Variants in C1QTNF3 observed in about 807,000 individuals in gnomAD.
C1QTNF3 encodes C1q and TNF related 3.
C1QTNF3 carries 26 observed loss-of-function variants against 32.6 expected under a neutral mutation model. That is an observed-to-expected ratio of 0.80 (90% CI 0.58 to 1.11). The LOEUF (loss-of-function observed/expected upper bound fraction) is 1.11, where lower values mean the gene tolerates loss of function less well. C1QTNF3 is among the 50% of genes least tolerant of loss of function. C1QTNF3 has a pLI of 0.00. For missense variants in C1QTNF3, 362 were observed against 398.2 expected, an observed-to-expected ratio of 0.91 and a Z score of 0.77; for synonymous variants, 155 against 146.0, an observed-to-expected ratio of 1.06 and a Z score of -0.44.
intron 4 of C1QTNF3, among the ~76,000 whole-genome samples, chr5:34,026,456 CAAAAA>C (rs11335593): frequency 3.2e-5 from 3 of 92,776 alleles, no homozygotes; most frequent in Admixed American, 2.2e-4. Flanking sequence ...AATCTGCCAG[CAAAAA>C]AAAAAAAAAA....
the C1QTNF3 span, among the ~76,000 whole-genome samples, chr5:34,090,127 T>C: frequency 6.6e-6 from 1 of 151,698 alleles, no homozygotes; most frequent in Non-Finnish European, 1.5e-5. Flanking sequence ...CTTGTAAAAA[T>C]TGCTTATGAC....
chr5:34,028,609 A>C, intron 4 of C1QTNF3, 145 bp downstream of exon 4: 1 of 651,202 alleles, frequency 1.5e-6, no homozygotes, highest in Non-Finnish European at 2.3e-6. Context: ...TAACTACCTT[A>C]ATGTCATTCT....
At chr5:34,195,178 A>G in the C1QTNF3 span, among the ~76,000 whole-genome samples, 4 of 152,120 alleles carry the variant, frequency 2.6e-5, no homozygotes, top group African/African-American at 9.7e-5. Context: ...CATTGAGTAC[A>G]TGTATTAAAA....
At chr5:34,082,478 A>G in the C1QTNF3 span, among the ~76,000 whole-genome samples, 1 of 151,812 alleles carries the variant, frequency 6.6e-6, no homozygotes, top group Admixed American at 6.5e-5. Context: ...TGTGCTTTCA[A>G]TGAGTCTTGT....
At chr5:34,027,735 C>CAAAAAAAAAAA (rs34375086) in intron 4 of C1QTNF3, among the ~76,000 whole-genome samples, 1 of 81,094 alleles carries the variant, frequency 1.2e-5, no homozygotes, top group African/African-American at 5.1e-5. Flanking sequence ...CCACCACCAC[C>CAAAAAAAAAAA]AAAAAAAAAA....
the C1QTNF3 span, among the ~76,000 whole-genome samples, chr5:34,157,034 T>A: frequency 2.6e-5 from 4 of 152,220 alleles, no homozygotes; most frequent in African/African-American, 9.6e-5. Context: ...AATCAAAACT[T>A]TAGAGTTTAG....
the C1QTNF3 span, among the ~76,000 whole-genome samples, chr5:34,130,150 C>T: frequency 1.3e-5 from 2 of 150,562 alleles, no homozygotes; most frequent in African/African-American, 2.5e-5. Flanking sequence ...CACACACACA[C>T]ATACATACAT....
the C1QTNF3 span, among the ~76,000 whole-genome samples, chr5:34,221,134 C>T: frequency 6.6e-6 from 1 of 152,008 alleles, no homozygotes; most frequent in Non-Finnish European, 1.5e-5. Flanking sequence ...AAATTGTTTG[C>T]TTTTGAATTT....
At chr5:34,084,986 CTTTTTT>C in the C1QTNF3 span, among the ~76,000 whole-genome samples, 3 of 69,934 alleles carry the variant, frequency 4.3e-5, 1 homozygote, top group Admixed American at 5.7e-4. Flanking sequence ...ACGTTTAAGT[CTTTTTT>C]TTTTTTTTTT....
At chr5:34,228,929 G>A in the C1QTNF3 span, among the ~76,000 whole-genome samples, 1 of 150,500 alleles carries the variant, frequency 6.6e-6, no homozygotes, top group Non-Finnish European at 1.5e-5. Flanking sequence ...GTGCTAAGCT[G>A]CACACATTTT....
chr5:34,057,145 C>T, the C1QTNF3 span, among the ~76,000 whole-genome samples: 1,852 of 152,290 alleles, frequency 0.012, 40 homozygotes, highest in African/African-American at 0.043. Flanking sequence ...ACCTGCTAAT[C>T]ACTTGATTGA....
At chr5:34,096,949 A>G in the C1QTNF3 span, among the ~76,000 whole-genome samples, 1 of 150,738 alleles carries the variant, frequency 6.6e-6, no homozygotes, top group African/African-American at 2.4e-5. Flanking sequence ...GATATTCAGT[A>G]AATTTCTGAG....
chr5:34,232,539 T>G, the C1QTNF3 span, among the ~76,000 whole-genome samples: 1 of 152,136 alleles, frequency 6.6e-6, no homozygotes, highest in South Asian at 2.1e-4. Flanking sequence ...CCACATGCTA[T>G]TCTCATGACA....
At chr5:34,141,182 C>T in the C1QTNF3 span, among the ~76,000 whole-genome samples, 1 of 152,088 alleles carries the variant, frequency 6.6e-6, no homozygotes, top group East Asian at 1.9e-4. Context: ...TGCAGTGGCG[C>T]AATCTTGGCT....
At chr5:34,073,831 C>T in the C1QTNF3 span, among the ~76,000 whole-genome samples, 8 of 152,104 alleles carry the variant, frequency 5.3e-5, no homozygotes, top group South Asian at 2.1e-4. Flanking sequence ...TCACCTAAAA[C>T]GTGTCCTGAT....
At chr5:34,167,607 C>T in the C1QTNF3 span, 2 of 152,104 alleles carry the variant, frequency 1.3e-5, no homozygotes, top group Non-Finnish European at 2.9e-5. Flanking sequence ...TTAGCAGCTC[C>T]GTGGAGCAAG....
the C1QTNF3 span, among the ~76,000 whole-genome samples, chr5:34,202,077 A>T: frequency 6.6e-6 from 1 of 152,132 alleles, no homozygotes; most frequent in Admixed American, 6.5e-5. Context: ...GATCTCTTCC[A>T]TTTTTCTAAG....
At chr5:34,226,265 T>G in the C1QTNF3 span, among the ~76,000 whole-genome samples, 2 of 152,010 alleles carry the variant, frequency 1.3e-5, no homozygotes, top group African/African-American at 4.8e-5. Context: ...TTTGTTATTT[T>G]AAATGGTAAT....
the C1QTNF3 span, among the ~76,000 whole-genome samples, chr5:34,236,392 A>C: frequency 3.1e-4 from 13 of 42,418 alleles, no homozygotes; most frequent in Non-Finnish European, 1.6e-3. Context: ...CTCCATCTCA[A>C]AAAAAAAAGA....
Sources: gnomAD v4.1 joint callset for allele counts (sites outside exome capture counted in the v4.1 genomes callset) on GRCh38, gnomAD v4.1.1 for gene constraint, MANE v1.5 for transcripts, NCBI Gene and HGNC (gene_info 2026-07-23, HGNC 2026-07-21) for gene names.